PDE10A: variants seen among roughly 807,000 people sequenced by gnomAD.
PDE10A encodes the protein cAMP and cAMP-inhibited cGMP 3',5'-cyclic phosphodiesterase 10A.
Under a neutral mutation model 97.7 loss-of-function variants are expected in PDE10A, and 39 were observed. That is an observed-to-expected ratio of 0.40 (90% CI 0.31 to 0.52). The LOEUF is 0.52. Among genes scored for constraint, PDE10A ranks in the 20% least tolerant of loss-of-function variants. The pLI, the probability that PDE10A is intolerant of heterozygous loss-of-function variation, is 0.56. For synonymous variants in PDE10A, 371 were observed against 376.8 expected (o/e 0.98, Z 0.18); for missense variants, 731 against 1,047.8 (o/e 0.70, Z 4.17).
intron 1 of PDE10A, among the ~76,000 whole-genome samples, chr6:165,608,829 T>C (rs1787353503): frequency 6.6e-6 from 1 of 152,214 alleles, no homozygotes; most frequent in African/African-American, 2.4e-5. Flanking sequence ...TGATATCTCA[T>C]TGTGGTTTTG....
At chr6:165,630,120 G>GTTC (rs1462421522) in intron 1 of PDE10A, among the ~76,000 whole-genome samples, 1 of 152,084 alleles carries the variant, frequency 6.6e-6, no homozygotes, top group Admixed American at 6.6e-5. Context: ...GGCTGAGACG[G>GTTC]GTGAACTGCA....
intron 1 of PDE10A, among the ~76,000 whole-genome samples, chr6:165,592,878 G>T (rs1216274250): frequency 6.6e-6 from 1 of 152,206 alleles, no homozygotes; most frequent in Non-Finnish European, 1.5e-5. Flanking sequence ...AACCATTGTG[G>T]AAGTCAGTGT....
chr6:165,418,183 TCA>T lies in PDE10A; in HGVS notation c.1796+450_1796+451del, dbSNP rs537643191. On this transcript the variant is annotated intron_variant, in intron 11 of 21. Coordinates refer to ENST00000539869, the MANE Select transcript of PDE10A (RefSeq NM_001385079.1). This position sits in a 1 kb window ranked among gnomAD's most constrained non-coding sequence, Gnocchi z 4.8. The stretch of plus-strand genomic sequence containing the variant: ...GTGATTGATTAAAACAGCTGGTCAG[TCA>T]CAGAGTGTATTTAAGTCATCAAATA... Among the ~76,000 whole-genome samples the T allele has an allele frequency of 3.3e-5, 5 of 152,318 alleles. No individual in the cohort carries two copies. In the East Asian group the frequency reaches 9.6e-4, roughly 29 times the overall value.
At chr6:165,438,138 T>G (rs1790160978) in intron 5 of PDE10A, among the ~76,000 whole-genome samples, 1 of 152,200 alleles carries the variant, frequency 6.6e-6, no homozygotes, top group Admixed American at 6.5e-5. Flanking sequence ...CTCATTGAAC[T>G]GCCACCTTCA....
intron 1 of PDE10A, among the ~76,000 whole-genome samples, chr6:165,593,872 C>T (rs936378017): frequency 2.0e-5 from 3 of 152,078 alleles, no homozygotes; most frequent in Non-Finnish European, 4.4e-5. Context: ...AGGCATAGTA[C>T]ACAAGATAAA....
chr6:165,795,543 T>C (rs979914918), intron 1 of PDE10A, among the ~76,000 whole-genome samples: 5 of 151,950 alleles, frequency 3.3e-5, no homozygotes, highest in African/African-American at 9.7e-5. Context: ...CTGGCCAACA[T>C]GGTGAAACCC....
At chr6:165,882,865 T>G (rs892164295) in intron 1 of PDE10A, among the ~76,000 whole-genome samples, 4 of 152,030 alleles carry the variant, frequency 2.6e-5, no homozygotes, top group Admixed American at 6.5e-5. Flanking sequence ...TGCTTTGGTT[T>G]ATCACGTCCC....
At chr6:165,830,054 T>G (rs2128470866) in intron 1 of PDE10A, among the ~76,000 whole-genome samples, 1 of 152,330 alleles carries the variant, frequency 6.6e-6, no homozygotes. Flanking sequence ...CTGGAAATCT[T>G]ATTGAACAAA....
chr6:165,608,089 T>C (rs112126126), intron 1 of PDE10A, among the ~76,000 whole-genome samples: 2 of 136,738 alleles, frequency 1.5e-5, no homozygotes, highest in Admixed American at 1.4e-4. Flanking sequence ...TATGTATATA[T>C]ATGTGCATAT....
At chr6:165,523,668 T>G (rs1782265383) in intron 2 of PDE10A, among the ~76,000 whole-genome samples, 1 of 152,230 alleles carries the variant, frequency 6.6e-6, no homozygotes, top group South Asian at 2.1e-4. Context: ...ATAAAAATCT[T>G]ATAAGAACCC....
chr6:165,487,386 GA>G (rs1308900702), intron 2 of PDE10A, among the ~76,000 whole-genome samples: 3 of 152,114 alleles, frequency 2.0e-5, no homozygotes, highest in Non-Finnish European at 4.4e-5. Flanking sequence ...TAGTTGCAGG[GA>G]AAAAAGCTCA....
In PDE10A at chr6:165,332,214, T is replaced by G. The variant is rs1468950432; in HGVS notation, c.*811A>C. 1 of 152,200 alleles carries G rather than the reference T, an allele frequency of 6.6e-6. No homozygotes were observed. Among genetic ancestry groups the G allele is most frequent in the African/African-American group, 2.4e-5 (1 of 41,446 alleles). The allele number at this position is 152,200 out of a possible 1,614,324, so 9.4% of individuals were successfully genotyped here. A position where few individuals can be genotyped will look rare whatever the true frequency, so the allele number is the denominator to read the frequency against. On this transcript the variant is annotated 3_prime_UTR_variant, in exon 22 of 22. Transcript: ENST00000539869. ...CAATGCCGAGCTTTTATTTTGTTCT[T>G]TATGCAAAGGGTTCAGTAAAACTGC...
chr6:165,795,949 T>A (rs12191509), intron 1 of PDE10A, among the ~76,000 whole-genome samples: 78,172 of 151,936 alleles, frequency 0.51, 20,436 homozygotes, highest in Middle Eastern at 0.61. Context: ...GCAGTTATAA[T>A]ATGCACTATG....
At chr6:165,864,178 G>GA (rs11295942) in intron 1 of PDE10A, among the ~76,000 whole-genome samples, 2 of 151,350 alleles carry the variant, frequency 1.3e-5, no homozygotes, top group African/African-American at 2.4e-5. Flanking sequence ...TCCTTTATAA[G>GA]AAAAAAAAAA....
chr6:165,446,964 A>G (rs1790893437), intron 5 of PDE10A, among the ~76,000 whole-genome samples: 1 of 152,216 alleles, frequency 6.6e-6, no homozygotes, highest in African/African-American at 2.4e-5. Flanking sequence ...GTAAAAGATA[A>G]GTAAAGATTA....
rs552348782 is a variant in PDE10A, at chr6:165,525,012, C to A, written c.994+18428G>T. On this transcript the variant is annotated intron_variant, in intron 2 of 21. Coordinates refer to ENST00000539869, the MANE Select transcript of PDE10A (RefSeq NM_001385079.1). ...GTCTCAGGAGATAAACCCTGCACTG[C>A]TTGAGGCAACAGTGATGGCCTCCCG... 3.9e-5 allele frequency among the ~76,000 whole-genome samples: 6 copies of A among 152,248 alleles called. No individual in the cohort carries two copies. In the South Asian group the frequency reaches 1.2e-3, roughly 32 times the overall value.
chr6:165,793,097 C>T (rs1036438540), intron 1 of PDE10A, among the ~76,000 whole-genome samples: 9 of 152,070 alleles, frequency 5.9e-5, no homozygotes, highest in African/African-American at 2.2e-4. Context: ...CACACCGTTT[C>T]ATACAACAGA....
chr6:165,872,546 C>T (rs1006327353), intron 1 of PDE10A, among the ~76,000 whole-genome samples: 1 of 152,178 alleles, frequency 6.6e-6, no homozygotes, highest in Non-Finnish European at 1.5e-5. Context: ...GAGCTCCCTC[C>T]TGACCGAACA....
rs918699868 is a variant in PDE10A, at chr6:165,661,589, A to G, written c.865+358T>C. ...TCAAGAGGGAGGAACCTAAGTGGTC[A>G]CAAAGTTGAGTATAAATACGCGCCG... On this transcript the variant is annotated intron_variant, in intron 1 of 21. Transcript: ENST00000539869. The surrounding 1 kb of genome is among the most constrained non-coding windows in gnomAD (Gnocchi z 4.8). 7 of 230,828 alleles carry G rather than the reference A, an allele frequency of 3.0e-5. No homozygotes were observed. In the East Asian group the frequency reaches 7.3e-4, roughly 24 times the overall value. 14.3% of individuals were successfully genotyped at this position (230,828 alleles called of 1,614,324 possible).
Sources: allele counts gnomAD v4.1 joint callset (sites outside exome capture counted in the v4.1 genomes callset), GRCh38; gene constraint gnomAD v4.1.1; non-coding constraint Gnocchi (gnomAD v3.1); transcripts MANE v1.5; gene names NCBI Gene and HGNC (gene_info 2026-07-23, HGNC 2026-07-21).